Variants in GRAMD1B observed in about 807,000 individuals in gnomAD.
GRAMD1B encodes the protein protein Aster-B.
GRAMD1B carries 37 observed loss-of-function variants against 99.7 expected under a neutral mutation model. The observed-to-expected ratio is 0.37, with a 90% confidence interval of 0.29 to 0.49. The LOEUF (loss-of-function observed/expected upper bound fraction) is 0.49, where lower values mean the gene tolerates loss of function less well. GRAMD1B is among the 20% of genes least tolerant of loss of function. The probability of loss-of-function intolerance (pLI) is 0.98; values close to 1 mark genes in which losing one functional copy is unlikely to be tolerated. For missense variants in GRAMD1B, 888 were observed against 1,009.2 expected (o/e 0.88, Z 1.63); for synonymous variants, 427 against 387.6 (o/e 1.10, Z -1.19).
chr11:123,512,445 A>G (rs1038630277), intron 2 of GRAMD1B, among the ~76,000 whole-genome samples: 6 of 152,218 alleles, frequency 3.9e-5, no homozygotes, highest in African/African-American at 1.2e-4. Flanking sequence ...GGAGGCAGAA[A>G]CAGCCTGATT....
intron 1 of GRAMD1B, among the ~76,000 whole-genome samples, chr11:123,401,393 A>G (rs1947656952): frequency 6.6e-6 from 1 of 152,228 alleles, no homozygotes; most frequent in South Asian, 2.1e-4. Flanking sequence ...TCATCCCCAC[A>G]GTCACTCAGT....
At chr11:123,544,685 G>A (rs370183116) in intron 2 of GRAMD1B, among the ~76,000 whole-genome samples, 4 of 152,214 alleles carry the variant, frequency 2.6e-5, no homozygotes, top group Admixed American at 2.0e-4. Flanking sequence ...CCACAGCGGC[G>A]GTTGTCATCC....
Position 123,597,174 on chromosome 11 carries a change from G to T in GRAMD1B, c.969+1137G>T, listed in dbSNP as rs148555777. On this transcript the variant is annotated intron_variant, in intron 7 of 19. Transcript: ENST00000635736. ...GATGGGGCCTCACTATATCTCCTAG[G>T]CTGGTCTCAAACTCCTAGGCTCAAA... Among the ~76,000 whole-genome samples the T allele has an allele frequency of 3.7e-3, 552 of 148,788 alleles. 3 individuals carry two copies. The highest frequency in any genetic ancestry group is 0.014 in the South Asian group (65 of 4,598).
chr11:123,537,154 TAG>T (rs754191228), intron 2 of GRAMD1B, among the ~76,000 whole-genome samples: 1 of 152,360 alleles, frequency 6.6e-6, no homozygotes, highest in South Asian at 2.1e-4. Context: ...GTTGTTGCTC[TAG>T]CAGAGTGCCT....
At chr11:123,585,993 C>G (rs75445737) in intron 4 of GRAMD1B, among the ~76,000 whole-genome samples, 27 of 152,230 alleles carry the variant, frequency 1.8e-4, no homozygotes, top group African/African-American at 6.5e-4. Context: ...CTACCATTAG[C>G]TTCTTTCTCT....
rs373788413 is a variant in GRAMD1B at position 123,609,199 on chromosome 11, AT to A, written c.1657+398del. Among the ~76,000 whole-genome samples the A allele has an allele frequency of 7.2e-5, 11 of 152,206 alleles. No homozygotes were observed. In the East Asian group the frequency reaches 1.9e-3, roughly 27 times the overall value. ...ACAGCTACCCTGTGTGTGGACACCG[AT>A]GAGGCTGCTGGAACTCAAACTGTTA... On this transcript the variant is annotated intron_variant, in intron 12 of 19. Coordinates refer to ENST00000635736, the MANE Select transcript of GRAMD1B (RefSeq NM_001387025.1).
At chr11:123,540,146 C>T (rs1294637727) in intron 2 of GRAMD1B, among the ~76,000 whole-genome samples, 1 of 151,680 alleles carries the variant, frequency 6.6e-6, no homozygotes, top group Non-Finnish European at 1.5e-5. Context: ...GCTCACTGTA[C>T]CCTTGACCTC....
Position 123,584,351 on chromosome 11 carries a change from CT to C in GRAMD1B, c.684+21del. ...GTATAATGTAAGTATTCCTGTTTCC[CT>C]TCTTGTTGGGTACCTGAGAAATGGG... On this transcript the variant is annotated intron_variant, in intron 4 of 19. Coordinates refer to ENST00000635736, the MANE Select transcript of GRAMD1B (RefSeq NM_001387025.1). The C allele has an allele frequency of 3.5e-6, 1 of 289,086 alleles. No individual in the cohort carries two copies. Among genetic ancestry groups the C allele is most frequent in the Non-Finnish European group, 4.7e-6 (1 of 211,628 alleles). The allele number at this position is 289,086 out of a possible 1,614,324, so 17.9% of individuals were successfully genotyped here.
chr11:123,417,019 C>G (rs568777921), intron 1 of GRAMD1B, among the ~76,000 whole-genome samples: 1 of 152,106 alleles, frequency 6.6e-6, no homozygotes, highest in South Asian at 2.1e-4. Context: ...TTATGGGAGA[C>G]GAAGTAACTA....
intron 1 of GRAMD1B, among the ~76,000 whole-genome samples, chr11:123,445,527 A>T (rs1949597501): frequency 6.6e-6 from 1 of 151,724 alleles, no homozygotes; most frequent in Non-Finnish European, 1.5e-5. Flanking sequence ...TAAAAAAAAG[A>T]CTCTGGGGCC....
At chr11:123,460,594 T>A (rs1950365050) in intron 1 of GRAMD1B, among the ~76,000 whole-genome samples, 1 of 152,210 alleles carries the variant, frequency 6.6e-6, no homozygotes, top group African/African-American at 2.4e-5. Context: ...GGACTGTTTT[T>A]ATGTCTTCCA....
Position 123,377,263 on chromosome 11 carries a change from A to G in GRAMD1B, c.-176+18464A>G, listed in dbSNP as rs570814031. On this transcript the variant is annotated intron_variant, in intron 1 of 20. Transcript: ENST00000638157. ...ACCTGGCACTGAGATGGTAGCTGGC[A>G]TAAAAATCCAAAGATAAATGCTTAA... Among the ~76,000 whole-genome samples the G allele has an allele frequency of 1.1e-4, 16 of 152,342 alleles. 1 individual carries two copies. In the East Asian group the frequency reaches 3.1e-3, roughly 29 times the overall value.
At chr11:123,403,763 C>T (rs796274223) in intron 1 of GRAMD1B, among the ~76,000 whole-genome samples, 81 of 152,028 alleles carry the variant, frequency 5.3e-4, no homozygotes, top group African/African-American at 1.2e-3. Context: ...AGGCTAGTCT[C>T]GAACTCCTGA....
chr11:123,597,861 G>T, intron 7 of GRAMD1B: 1 of 754,298 alleles, frequency 1.3e-6, no homozygotes, highest in African/African-American at 1.7e-5. Context: ...AGGTCTTTAA[G>T]AGGATTTGGT....
intron 4 of GRAMD1B, among the ~76,000 whole-genome samples, chr11:123,590,742 G>T (rs892084070): frequency 6.6e-6 from 1 of 152,324 alleles, no homozygotes; most frequent in African/African-American, 2.4e-5. Flanking sequence ...TGGCTGCTCT[G>T]CCTGGGTGAG....
chr11:123,442,860 C>A (rs1319950586), intron 1 of GRAMD1B, among the ~76,000 whole-genome samples: 1 of 151,406 alleles, frequency 6.6e-6, no homozygotes, highest in Non-Finnish European at 1.5e-5. Context: ...TATTTATGCC[C>A]CCCCCCACCC....
intron 2 of GRAMD1B, among the ~76,000 whole-genome samples, chr11:123,496,285 A>G (rs1252092122): frequency 6.6e-6 from 1 of 151,914 alleles, no homozygotes; most frequent in Non-Finnish European, 1.5e-5. Flanking sequence ...ATGTCATGCC[A>G]CTTTTTCCTA....
At chr11:123,384,554 C>T (rs1946994960) in intron 1 of GRAMD1B, among the ~76,000 whole-genome samples, 1 of 152,136 alleles carries the variant, frequency 6.6e-6, no homozygotes, top group Non-Finnish European at 1.5e-5. Context: ...ACTGTTTCTT[C>T]CTGTTGCTCC....
At chr11:123,516,161 G>A (rs567408283) in intron 2 of GRAMD1B, among the ~76,000 whole-genome samples, 10 of 152,320 alleles carry the variant, frequency 6.6e-5, no homozygotes, top group Admixed American at 5.2e-4. Context: ...GTACACGCCA[G>A]CACACAAGTG....
Sources: allele counts gnomAD v4.1 joint callset (sites outside exome capture counted in the v4.1 genomes callset), GRCh38; gene constraint gnomAD v4.1.1; transcripts MANE v1.5; gene names NCBI Gene and HGNC (gene_info 2026-07-23, HGNC 2026-07-21).